Variants in SLC6A5 observed in about 807,000 individuals in gnomAD.
SLC6A5 encodes the protein sodium- and chloride-dependent glycine transporter 2.
A neutral mutation model predicts 90.5 loss-of-function variants in SLC6A5; 58 were observed. The ratio of observed to expected loss-of-function variants is 0.64; its 90% CI spans 0.52 to 0.80. SLC6A5 has a LOEUF of 0.80. Among genes scored for constraint, SLC6A5 ranks in the 30% least tolerant of loss-of-function variants. The pLI, the probability that SLC6A5 is intolerant of heterozygous loss-of-function variation, is 0.00. For missense variants in SLC6A5, 1,015 were observed against 1,017.6 expected (o/e 1.00, Z 0.03); for synonymous variants, 427 against 401.4 (o/e 1.06, Z -0.76).
intron 6 of SLC6A5, among the ~76,000 whole-genome samples, chr11:20,615,451 C>T (rs550902518): frequency 6.6e-6 from 1 of 152,242 alleles, no homozygotes; most frequent in South Asian, 2.1e-4. Flanking sequence ...TCACTGAAAC[C>T]TCTGCCTCTG....
intron 9 of SLC6A5, among the ~76,000 whole-genome samples, chr11:20,628,732 GAACACC>G (rs540380430): frequency 7.1e-4 from 108 of 152,320 alleles, no homozygotes; most frequent in African/African-American, 2.5e-3. Flanking sequence ...AAATCAGTCT[GAACACC>G]ATTAAAGGGT....
chr11:20,629,009 C>T (rs1164427682), intron 9 of SLC6A5, among the ~76,000 whole-genome samples: 1 of 152,164 alleles, frequency 6.6e-6, no homozygotes. Context: ...GACAGATAGA[C>T]TCATTGCTGC....
intron 13 of SLC6A5, among the ~76,000 whole-genome samples, chr11:20,640,257 C>T (rs558091204): frequency 4.1e-4 from 62 of 152,330 alleles, no homozygotes; most frequent in African/African-American, 1.5e-3. Context: ...CTTCTGTTAC[C>T]TGTACCCTAA....
At chr11:20,647,239 TTA>T (rs201247599) in intron 14 of SLC6A5, among the ~76,000 whole-genome samples, 2,413 of 144,186 alleles carry the variant, frequency 0.017, 78 homozygotes, top group African/African-American at 0.058. Flanking sequence ...TTATATATAT[TTA>T]TATATATATC....
chr11:20,620,022 T>C (rs1590164981), intron 7 of SLC6A5, among the ~76,000 whole-genome samples: 2 of 152,140 alleles, frequency 1.3e-5, no homozygotes, highest in Non-Finnish European at 2.9e-5. Context: ...TGAGCTTGGG[T>C]GGGAGTTTCA....
Position 20,636,308 on chromosome 11 carries a change from G to A in SLC6A5, c.1626G>A (p.Gly542=). The change falls in exon 11 of 16, where the codon GGG becomes GGA. Residue 542 remains glycine, a splice_region_variant and synonymous_variant. Transcript: ENST00000525748. ...AATCATCTGTCTTGTTCCTTCCAGG[G>A]CCAGGCATTGCATTTGTGGTTTACC... ...KVNIENVADQ[G]PGIAFVVYPE... 1.9e-6 allele frequency: 3 copies of A among 1,601,962 alleles called. No individual in the cohort carries two copies. The highest frequency in any genetic ancestry group is 1.1e-5 in the South Asian group (1 of 90,822).
intron 7 of SLC6A5, among the ~76,000 whole-genome samples, chr11:20,618,929 A>G (rs1852836173): frequency 7.4e-6 from 1 of 135,244 alleles, no homozygotes; most frequent in Admixed American, 7.5e-5. Context: ...TGACAGAGTG[A>G]GATCCTGTCC....
chr11:20,647,039 CCTGGGAG>C lies in SLC6A5; in HGVS notation c.2070+110_2070+116del, dbSNP rs1391668064. ...TGTTTACATTTGAACAGTGTGTGAGCCTGGGAGCTGGTAGGTTGGGTGGTGGTCTTGT... is the reference window on the plus strand; with the variant it reads ...TGTTTACATTTGAACAGTGTGTGAGCCTGGTAGGTTGGGTGGTGGTCTTGT... On this transcript the variant is annotated intron_variant, in intron 14 of 15. Transcript: ENST00000525748. The C allele has an allele frequency of 9.6e-6, 8 of 834,370 alleles. No homozygotes were observed. The Admixed American group carries it at 1.4e-4, about 15-fold the overall frequency. The allele number at this position is 834,370 out of a possible 1,614,324, so 51.7% of individuals were successfully genotyped here. A position where few individuals can be genotyped will look rare whatever the true frequency, so the allele number is the denominator to read the frequency against.
chr11:20,602,552 C>T (rs1014809162), intron 2 of SLC6A5, among the ~76,000 whole-genome samples: 5 of 152,314 alleles, frequency 3.3e-5, no homozygotes, highest in African/African-American at 1.2e-4. Flanking sequence ...TTCTCACTGC[C>T]TGCCTTTCTG....
At chr11:20,623,211 C>T (rs2133794141) in intron 7 of SLC6A5, among the ~76,000 whole-genome samples, 1 of 152,292 alleles carries the variant, frequency 6.6e-6, no homozygotes, top group Middle Eastern at 3.4e-3. Flanking sequence ...AAAAGGAGTG[C>T]AGTCCACCTC....
At chr11:20,637,375 A>T in intron 12 of SLC6A5, 72 bp downstream of exon 12, 1 of 1,379,636 alleles carries the variant, frequency 7.2e-7, no homozygotes, top group Non-Finnish European at 1.0e-6. Flanking sequence ...TCTGTCTTTC[A>T]ACCCTTAGCT....
intron 1 of SLC6A5, 107 bp downstream of exon 1, chr11:20,599,782 G>A: frequency 1.5e-6 from 2 of 1,316,616 alleles, no homozygotes; most frequent in Non-Finnish European, 2.2e-6. Context: ...TTGGGTGGGG[G>A]GAAAGGGGGC....
chr11:20,601,685 G>T lies in SLC6A5; in HGVS notation c.540+20G>T. 1.9e-6 allele frequency: 3 copies of T among 1,609,252 alleles called. No individual in the cohort carries two copies. Among genetic ancestry groups the T allele is most frequent in the Non-Finnish European group, 2.5e-6 (3 of 1,178,958 alleles). ...ACCCAGGTAAGCAGGTTGCATTACG[G>T]CCCGCACAGTGTCCTGCTCTCCAGC... On this transcript the variant is annotated intron_variant, in intron 2 of 15. Coordinates refer to ENST00000525748, the MANE Select transcript of SLC6A5 (RefSeq NM_004211.5).
rs1334334062 is a variant in SLC6A5 at position 20,600,326 on chromosome 11, AGAAGAAGAG to A, written c.3+660_3+668del. Reference sequence around the variant, plus strand: ...ACTCCTGTGAATAGTTACGCAAAAAAGAAGAAGAGGAAGAAGAAGAAGAAGAAGAAGAAG... The same window carrying A: ...ACTCCTGTGAATAGTTACGCAAAAAAGAAGAAGAAGAAGAAGAAGAAGAAG... On this transcript the variant is annotated intron_variant, in intron 1 of 15. Coordinates refer to ENST00000525748, the MANE Select transcript of SLC6A5 (RefSeq NM_004211.5). Among the ~76,000 whole-genome samples, 958 of 133,260 alleles carry A rather than the reference AGAAGAAGAG, an allele frequency of 7.2e-3. 34 individuals are homozygous for A. Among genetic ancestry groups the A allele is most frequent in the East Asian group, 0.055 (206 of 3,750 alleles). The allele number at this position is 133,260 out of a possible 152,430, so 87.4% of individuals were successfully genotyped here.
At chr11:20,625,239 C>T (rs1852969947) in intron 7 of SLC6A5, among the ~76,000 whole-genome samples, 1 of 152,138 alleles carries the variant, frequency 6.6e-6, no homozygotes, top group African/African-American at 2.4e-5. Context: ...CCAAGTTCTG[C>T]TAATGTTACC....
chr11:20,629,943 G>A (rs1242481385), intron 9 of SLC6A5, among the ~76,000 whole-genome samples: 2 of 151,984 alleles, frequency 1.3e-5, no homozygotes, highest in African/African-American at 2.4e-5. Flanking sequence ...GGCTGGTCTC[G>A]AACTCCTGAC....
intron 11 of SLC6A5, 47 bp downstream of exon 11, chr11:20,636,466 C>A: frequency 8.3e-7 from 1 of 1,199,620 alleles, no homozygotes; most frequent in South Asian, 1.2e-5. Flanking sequence ...CTCTTGAAGA[C>A]TCCCCCTCTC....
At chr11:20,650,580 C>T (rs55818301) in intron 14 of SLC6A5, among the ~76,000 whole-genome samples, 1 of 150,980 alleles carries the variant, frequency 6.6e-6, no homozygotes, top group Non-Finnish European at 1.5e-5. Context: ...GTCCCCTCAG[C>T]TAATTAGTGG....
rs184985914 is a variant in SLC6A5, at chr11:20,648,817, G to A, written c.2070+1883G>A. Among the ~76,000 whole-genome samples the A allele has an allele frequency of 2.9e-4, 44 of 152,216 alleles. No individual in the cohort carries two copies. The East Asian group carries it at 6.2e-3, about 21-fold the overall frequency. On this transcript the variant is annotated intron_variant, in intron 14 of 15. Coordinates refer to ENST00000525748, the MANE Select transcript of SLC6A5 (RefSeq NM_004211.5). ...AACATTTCACATAGTAATAATCAGC[G>A]CTGCTATTTGTTGTGGTCTATATGA...
Sources: allele counts gnomAD v4.1 joint callset (sites outside exome capture counted in the v4.1 genomes callset), GRCh38; gene constraint gnomAD v4.1.1; transcripts MANE v1.5; gene names NCBI Gene and HGNC (gene_info 2026-07-23, HGNC 2026-07-21).